CBLL1: variants seen among roughly 807,000 people sequenced by gnomAD.
CBLL1 encodes Cbl proto-oncogene like 1.
CBLL1 carries 4 observed loss-of-function variants against 44.9 expected under a neutral mutation model. The observed-to-expected ratio is 0.09, with a 90% CI of 0.04 to 0.20. The LOEUF (loss-of-function observed/expected upper bound fraction) is 0.20. Ranked by LOEUF, CBLL1 falls within the 10% of genes least tolerant of loss-of-function variation. CBLL1 has a pLI of 1.00. For missense variants in CBLL1, 569 were observed against 636.7 expected (o/e 0.89, Z 1.14); for synonymous variants, 235 against 202.2 (o/e 1.16, Z -1.38).
chr7:107,757,081 G>A (rs1316626278), intron 5 of CBLL1, among the ~76,000 whole-genome samples: 1 of 152,008 alleles, frequency 6.6e-6, no homozygotes, highest in Non-Finnish European at 1.5e-5. Flanking sequence ...TAGTAAGGAT[G>A]GAAAGATAGA....
Position 107,748,927 on chromosome 7 carries a change from G to T in CBLL1, c.61G>T (p.Asp21Tyr). The T allele has an allele frequency of 1.5e-5, 25 of 1,613,942 alleles. No homozygotes were observed. The highest frequency in any genetic ancestry group is 2.0e-5 in the Non-Finnish European group (24 of 1,179,894). ...TNSSGSLGGL[D>Y]VRRRIPIKLI... ...TAGTTCTGGATCCTTGGGTGGTCTT[G>T]ATGTTCGCAGACGAATTCCTATAAA... Residue 21 changes from aspartate (D) to tyrosine (Y), a missense_variant, in exon 2 of 6, where the codon GAT (aspartate) becomes TAT (tyrosine). By Grantham distance (160) the Asp-to-Tyr change is radical. This residue lies in a region of CBLL1 where 209 missense variants were observed against 202.8 expected (regional missense o/e 1.03). Coordinates refer to ENST00000440859, the MANE Select transcript of CBLL1 (RefSeq NM_024814.4).
chr7:107,748,201 C>T, intron 1 of CBLL1, among the ~76,000 whole-genome samples: 1 of 152,162 alleles, frequency 6.6e-6, no homozygotes. Context: ...AGGAACTTTG[C>T]ATCCTCTTAA....
intron 1 of CBLL1, among the ~76,000 whole-genome samples, chr7:107,746,116 G>A (rs1250079173): frequency 6.6e-6 from 1 of 152,136 alleles, no homozygotes; most frequent in Non-Finnish European, 1.5e-5. Flanking sequence ...GTTGAAACTG[G>A]GATTTTGATG....
Position 107,745,034 on chromosome 7 carries a change from G to A in CBLL1, c.13+858G>A, listed in dbSNP as rs550607534. Among the ~76,000 whole-genome samples the A allele has an allele frequency of 1.9e-4, 29 of 152,210 alleles. No homozygotes were observed. In the South Asian group the frequency reaches 5.6e-3, roughly 29 times the overall value. On this transcript the variant is annotated intron_variant, in intron 1 of 5. Transcript: ENST00000440859. The stretch of plus-strand genomic sequence containing the variant: ...GATATCTACTTGGTTATATAATTAG[G>A]TGTGTATGTTTATTTATGTAGGTGT...
intron 2 of CBLL1, among the ~76,000 whole-genome samples, chr7:107,749,714 AAAAT>A (rs1419963265): frequency 6.6e-6 from 1 of 151,940 alleles, no homozygotes; most frequent in Non-Finnish European, 1.5e-5. Flanking sequence ...TGGAATTAAA[AAAAT>A]AATAATAAAA....
At position 107,758,725 on chromosome 7, in the gene CBLL1, T is replaced by C. The variant is rs1416953509; in HGVS notation, c.1023T>C (p.Tyr341=). The change falls in exon 6 of 6, where the codon TAT becomes TAC. Residue 341 remains tyrosine, a synonymous_variant. Transcript: ENST00000440859. This position sits in a 1 kb window ranked among gnomAD's most constrained non-coding sequence, Gnocchi z 4.2. The part of the protein sequence containing the change: ...PHHIMPPQQH[Y]APPPPPPPPI... Reference sequence around the variant, plus strand: ...ATATTATGCCTCCACAGCAACATTATGCACCACCCCCACCTCCTCCACCAC... The same window carrying C: ...ATATTATGCCTCCACAGCAACATTACGCACCACCCCCACCTCCTCCACCAC... 1 of 1,613,750 alleles carries C rather than the reference T, an allele frequency of 6.2e-7. No individual in the cohort carries two copies. The highest frequency in any genetic ancestry group is 8.5e-7 in the Non-Finnish European group (1 of 1,179,932).
At chr7:107,754,985 C>T (rs1793463878) in intron 4 of CBLL1, among the ~76,000 whole-genome samples, 2 of 151,836 alleles carry the variant, frequency 1.3e-5, no homozygotes. Context: ...AATTAGCCTG[C>T]TGTGGTGGCA....
intron 1 of CBLL1, among the ~76,000 whole-genome samples, chr7:107,747,165 A>G (rs1793061980): frequency 6.6e-6 from 1 of 152,242 alleles, no homozygotes; most frequent in African/African-American, 2.4e-5. Context: ...TGTTATCATT[A>G]TTAAATGCTG....
chr7:107,753,543 C>T, intron 3 of CBLL1, 32 bp downstream of exon 3: 1 of 1,253,460 alleles, frequency 8.0e-7, no homozygotes, highest in Non-Finnish European at 1.1e-6. Context: ...TGTATTATAA[C>T]AATAAAATAT....
Position 107,758,193 on chromosome 7 carries a change from T to G in CBLL1, c.491T>G (p.Phe164Cys). 1 of 1,614,086 alleles carries G rather than the reference T, an allele frequency of 6.2e-7. No homozygotes were observed. The highest frequency in any genetic ancestry group is 8.5e-7 in the Non-Finnish European group (1 of 1,179,970). The change falls in exon 6 of 6, where the codon TTC becomes TGC. Residue 164 changes from phenylalanine to cysteine, a missense_variant. Physicochemically the swap from Phe to Cys is radical, Grantham distance 205 (BLOSUM62 -2). Around this residue, in one of 5 missense-constraint regions of CBLL1, gnomAD observed 209 missense variants for 202.8 expected, o/e 1.03. Coordinates refer to ENST00000440859, the MANE Select transcript of CBLL1 (RefSeq NM_024814.4). The surrounding 1 kb of genome is among the most constrained non-coding windows in gnomAD (Gnocchi z 4.2). ...GAGCAGTGTACACGAGGTTCTCTCTTCATGTGTAGCATTGTTCAAGGGTGC... is the reference window on the plus strand; with the variant it reads ...GAGCAGTGTACACGAGGTTCTCTCTGCATGTGTAGCATTGTTCAAGGGTGC... The part of the protein sequence containing the change: ...RIEQCTRGSL[F>C]MCSIVQGCKR...
intron 2 of CBLL1, 143 bp from the exon 3 acceptor site, chr7:107,753,268 T>C: frequency 1.8e-6 from 1 of 558,530 alleles, no homozygotes; most frequent in Non-Finnish European, 3.2e-6. Context: ...TTTAAAGTAA[T>C]CTTGATTGTC....
chr7:107,744,468 C>G, intron 1 of CBLL1: 1 of 407,790 alleles, frequency 2.5e-6, no homozygotes, highest in Non-Finnish European at 4.4e-6. Flanking sequence ...GGGAGAGCCC[C>G]GGCTCTGTTT....
chr7:107,754,080 A>G (rs951385838), intron 4 of CBLL1, 102 bp downstream of exon 4: 1 of 536,802 alleles, frequency 1.9e-6, no homozygotes, highest in African/African-American at 2.0e-5. Context: ...AAGTTTGCAA[A>G]ATTTTAAATA....
intron 2 of CBLL1, chr7:107,752,508 A>G: frequency 8.4e-7 from 1 of 1,188,110 alleles, no homozygotes; most frequent in Non-Finnish European, 1.1e-6. Context: ...ATGTGGGTAA[A>G]GTTAAAACTT....
intron 1 of CBLL1, among the ~76,000 whole-genome samples, chr7:107,747,395 A>T (rs769577473): frequency 1.1e-4 from 17 of 152,212 alleles, no homozygotes; most frequent in South Asian, 2.1e-4. Context: ...TGAACTGATT[A>T]TATGTCTACA....
intron 4 of CBLL1, 24 bp from the exon 5 acceptor site, chr7:107,755,394 A>C: frequency 7.1e-7 from 1 of 1,401,490 alleles, no homozygotes; most frequent in Non-Finnish European, 9.7e-7. Flanking sequence ...AATATGCTTA[A>C]CTGTAATATG....
chr7:107,748,787 G>A, intron 1 of CBLL1, 93 bp from the exon 2 acceptor site: 2 of 1,027,942 alleles, frequency 1.9e-6, no homozygotes, highest in Non-Finnish European at 2.8e-6. Flanking sequence ...CTTTAACCTT[G>A]ATAATGTTAG....
chr7:107,753,664 CTA>C (rs1478682218), intron 3 of CBLL1, among the ~76,000 whole-genome samples, 153 bp downstream of exon 3: 1 of 152,012 alleles, frequency 6.6e-6, no homozygotes, highest in Non-Finnish European at 1.5e-5. Flanking sequence ...TGTTAATACT[CTA>C]TTTTCAAGAA....
At chr7:107,752,722 A>T (rs376326315) in intron 2 of CBLL1, 142 of 402,498 alleles carry the variant, frequency 3.5e-4, no homozygotes, top group African/African-American at 2.8e-3. Context: ...GGCCAGAGAA[A>T]TTGAGCCCCT....
Sources: gnomAD v4.1 joint callset for allele counts (sites outside exome capture counted in the v4.1 genomes callset) on GRCh38, gnomAD v4.1.1 for gene constraint, gnomAD v4.1.1 regional missense constraint, Gnocchi (gnomAD v3.1) non-coding constraint, MANE v1.5 for transcripts, NCBI Gene and HGNC (gene_info 2026-07-23, HGNC 2026-07-21) for gene names.